SORBS2: variants seen among roughly 807,000 people sequenced by gnomAD.
SORBS2 encodes sorbin and SH3 domain containing 2.
Under a neutral mutation model 97.7 loss-of-function variants are expected in SORBS2, and 46 were observed. The observed-to-expected ratio is 0.47, with a 90% CI of 0.37 to 0.60. The LOEUF (loss-of-function observed/expected upper bound fraction) is 0.60. SORBS2 is among the 20% of genes least tolerant of loss of function. SORBS2 has a pLI of 0.00. For synonymous variants in SORBS2, 476 were observed against 473.4 expected, an observed-to-expected ratio of 1.01 and a Z score of -0.07; for missense variants, 1,316 against 1,282.3, an observed-to-expected ratio of 1.03 and a Z score of -0.40.
At chr4:185,770,727 G>A (rs1251813342) in intron 2 of SORBS2, among the ~76,000 whole-genome samples, 1 of 151,970 alleles carries the variant, frequency 6.6e-6, no homozygotes. Context: ...CATTGTATAT[G>A]TAAATTTAGA....
At chr4:185,840,926 A>AG (rs1206710071) in intron 1 of SORBS2, among the ~76,000 whole-genome samples, 1 of 151,052 alleles carries the variant, frequency 6.6e-6, no homozygotes, top group Non-Finnish European at 1.5e-5. Flanking sequence ...GTGTTAGCAG[A>AG]GGGGCAAGAG....
chr4:185,735,067 A>G (rs1180983898), intron 2 of SORBS2, among the ~76,000 whole-genome samples: 1 of 152,212 alleles, frequency 6.6e-6, no homozygotes, highest in African/African-American at 2.4e-5. Context: ...GACACATTAT[A>G]AGAAATTTTA....
chr4:185,709,320 T>TTTTTTTC (rs1181008953), intron 2 of SORBS2, among the ~76,000 whole-genome samples: 102 of 141,034 alleles, frequency 7.2e-4, no homozygotes, highest in African/African-American at 2.5e-3. Flanking sequence ...TTTTTTTTTT[T>TTTTTTTC]TTTTAGTAAA....
At position 185,606,837 on chromosome 4, in the gene SORBS2, G is replaced by C. The variant is rs2096433797; in HGVS notation, c.2796+4943C>G. 1.0e-6 allele frequency: 1 copy of C among 985,352 alleles called. No individual in the cohort carries two copies. The highest frequency in any genetic ancestry group is 1.2e-6 in the Non-Finnish European group (1 of 829,910). The allele number at this position is 985,352 out of a possible 1,614,324, so 61.0% of individuals were successfully genotyped here. A position where few individuals can be genotyped will look rare whatever the true frequency, so the allele number is the denominator to read the frequency against. On this transcript the variant is annotated intron_variant, in intron 12 of 14. Coordinates refer to ENST00000418609, the Ensembl canonical transcript of SORBS2. The surrounding 1 kb of genome is among the most constrained non-coding windows in gnomAD (Gnocchi z 4.3). ...CATCTTCCTCTCCAATGACCGGAAGGGGTACAGGCAAGGAACCCACGCTGG... is the reference window on the plus strand; with the variant it reads ...CATCTTCCTCTCCAATGACCGGAAGCGGTACAGGCAAGGAACCCACGCTGG...
intron 1 of SORBS2, among the ~76,000 whole-genome samples, chr4:185,780,216 T>C (rs925877301): frequency 6.6e-6 from 1 of 151,980 alleles, no homozygotes; most frequent in African/African-American, 2.4e-5. Flanking sequence ...GGTTTTTCCA[T>C]GTTGGTCAGG....
intron 2 of SORBS2, among the ~76,000 whole-genome samples, chr4:185,767,647 G>C (rs901341030): frequency 1.3e-5 from 2 of 151,918 alleles, no homozygotes; most frequent in Non-Finnish European, 2.9e-5. Context: ...TACTTTCTAG[G>C]ACAAAGTCTA....
chr4:185,935,707 T>C (rs1314036011), intron 1 of SORBS2, among the ~76,000 whole-genome samples: 2 of 152,082 alleles, frequency 1.3e-5, no homozygotes, highest in Non-Finnish European at 2.9e-5. Context: ...TTTTGAGATA[T>C]GTATATGGGT....
At chr4:185,841,256 C>T (rs1012023907) in intron 1 of SORBS2, among the ~76,000 whole-genome samples, 2 of 151,996 alleles carry the variant, frequency 1.3e-5, no homozygotes, top group Non-Finnish European at 2.9e-5. Context: ...GAAAACAAGG[C>T]TGAAGAAAAG....
At chr4:185,651,737 A>G in intron 2 of SORBS2, 47 bp downstream of exon 11, 1 of 1,081,628 alleles carries the variant, frequency 9.2e-7, no homozygotes, top group Non-Finnish European at 1.4e-6. Context: ...TCTTCCAAAC[A>G]TTGCTGAGCA....
intron 2 of SORBS2, among the ~76,000 whole-genome samples, chr4:185,758,976 T>A (rs1436515642): frequency 6.6e-6 from 1 of 152,242 alleles, no homozygotes; most frequent in Non-Finnish European, 1.5e-5. Flanking sequence ...TCTCCTAACA[T>A]GTTTACCTTT....
At chr4:185,715,218 A>T (rs2098456143) in intron 2 of SORBS2, among the ~76,000 whole-genome samples, 1 of 152,236 alleles carries the variant, frequency 6.6e-6, no homozygotes, top group Non-Finnish European at 1.5e-5. Context: ...AGAAGTTATC[A>T]GTATTTATGC....
At chr4:185,691,838 G>A (rs931523718) in intron 2 of SORBS2, among the ~76,000 whole-genome samples, 2 of 151,888 alleles carry the variant, frequency 1.3e-5, no homozygotes, top group Non-Finnish European at 2.9e-5. Flanking sequence ...TCTGCCTCCC[G>A]GGCTCACGCC....
intron 12 of SORBS2, among the ~76,000 whole-genome samples, chr4:185,594,252 C>T (rs754803078): frequency 1.1e-4 from 16 of 152,138 alleles, no homozygotes; most frequent in Admixed American, 7.9e-4. Flanking sequence ...AGAACATAGA[C>T]GGCAAACCAC....
At chr4:185,611,643 C>T in intron 12 of SORBS2, 137 bp downstream of exon 24, 1 of 630,028 alleles carries the variant, frequency 1.6e-6, no homozygotes, top group Non-Finnish European at 2.7e-6. Flanking sequence ...GTGGCACTCA[C>T]ACATGTAGAA....
At chr4:185,723,169 AGC>A (rs2098529280) in intron 2 of SORBS2, among the ~76,000 whole-genome samples, 1 of 152,238 alleles carries the variant, frequency 6.6e-6, no homozygotes, top group Non-Finnish European at 1.5e-5. Context: ...TAAATCCCAC[AGC>A]CACTAAAAGC....
chr4:185,617,278 C>T (rs1476038889), intron 9 of SORBS2, among the ~76,000 whole-genome samples: 1 of 151,878 alleles, frequency 6.6e-6, no homozygotes, highest in Non-Finnish European at 1.5e-5. Flanking sequence ...GACCGGAGTA[C>T]AGTAGAAACA....
chr4:185,597,849 T>C (rs2096150632), intron 12 of SORBS2, among the ~76,000 whole-genome samples: 1 of 152,190 alleles, frequency 6.6e-6, no homozygotes, highest in Non-Finnish European at 1.5e-5. Flanking sequence ...TTTATCCAAG[T>C]TCCCAAGGCT....
At chr4:185,917,776 C>A (rs75202734) in intron 1 of SORBS2, among the ~76,000 whole-genome samples, 5,430 of 152,176 alleles carry the variant, frequency 0.036, 124 homozygotes, top group South Asian at 0.069. Flanking sequence ...TGGTACTGAA[C>A]TGGGGGACAC....
At chr4:185,789,205 G>T (rs1458769680) in intron 1 of SORBS2, among the ~76,000 whole-genome samples, 3 of 152,086 alleles carry the variant, frequency 2.0e-5, no homozygotes, top group Non-Finnish European at 2.9e-5. Flanking sequence ...TCAAAAGTCA[G>T]CTTAAGATCC....
Sources: gnomAD v4.1 joint callset for allele counts (sites outside exome capture counted in the v4.1 genomes callset) on GRCh38, gnomAD v4.1.1 for gene constraint, Gnocchi (gnomAD v3.1) non-coding constraint, MANE v1.5 for transcripts, NCBI Gene and HGNC (gene_info 2026-07-23, HGNC 2026-07-21) for gene names.